EPHA6: variants seen among roughly 807,000 people sequenced by gnomAD.
The protein encoded by EPHA6 is ephrin type-A receptor 6.
EPHA6 carries 50 observed loss-of-function variants against 112.0 expected under a neutral mutation model. The ratio of observed to expected loss-of-function variants is 0.45; its 90% CI spans 0.36 to 0.56. The LOEUF is 0.56. Ranked by LOEUF, EPHA6 falls within the 20% of genes least tolerant of loss-of-function variation. The pLI is 0.00. For synonymous variants in EPHA6, 529 were observed against 490.7 expected, an observed-to-expected ratio of 1.08 and a Z score of -1.03; for missense variants, 1,280 against 1,417.4, an observed-to-expected ratio of 0.90 and a Z score of 1.56.
chr3:97,704,344 T>G (rs371739611), intron 14 of EPHA6, among the ~76,000 whole-genome samples: 1 of 152,190 alleles, frequency 6.6e-6, no homozygotes, highest in South Asian at 2.1e-4. Context: ...CATTGAGACC[T>G]TGGATAGAAC....
At chr3:97,109,623 C>T (rs1259048231) in intron 3 of EPHA6, among the ~76,000 whole-genome samples, 1 of 152,100 alleles carries the variant, frequency 6.6e-6, no homozygotes, top group South Asian at 2.1e-4. Context: ...GTGCTGGAAG[C>T]AGGAAGCTAG....
At chr3:97,261,071 G>A (rs1455186560) in intron 5 of EPHA6, among the ~76,000 whole-genome samples, 2 of 152,134 alleles carry the variant, frequency 1.3e-5, no homozygotes, top group Admixed American at 6.5e-5. Context: ...ATTGGGAAGG[G>A]CATCATAAAG....
At chr3:97,387,078 C>G (rs913627026) in intron 5 of EPHA6, among the ~76,000 whole-genome samples, 5 of 152,210 alleles carry the variant, frequency 3.3e-5, no homozygotes, top group Admixed American at 6.5e-5. Flanking sequence ...CAAAACCATT[C>G]TTCCCTCCTA....
Position 97,178,073 on chromosome 3 carries a change from T to C in EPHA6, c.1115-48191T>C, listed in dbSNP as rs527416555. On this transcript the variant is annotated intron_variant, in intron 3 of 17. Coordinates refer to ENST00000389672, the MANE Select transcript of EPHA6 (RefSeq NM_001080448.3). ...CTTCCACAAGTGAAGATGATTTTTCTGGTGATATGACTTAGTTTCCTGCTT... is the reference window on the plus strand; with the variant it reads ...CTTCCACAAGTGAAGATGATTTTTCCGGTGATATGACTTAGTTTCCTGCTT... 2.0e-5 allele frequency among the ~76,000 whole-genome samples: 3 copies of C among 152,184 alleles called. No individual in the cohort carries two copies. In the South Asian group the frequency reaches 6.2e-4, roughly 32 times the overall value.
At chr3:97,425,388 G>A (rs2089028663) in intron 6 of EPHA6, among the ~76,000 whole-genome samples, 1 of 152,196 alleles carries the variant, frequency 6.6e-6, no homozygotes, top group South Asian at 2.1e-4. Flanking sequence ...CTGTGCACCT[G>A]CAGGCTCAAC....
rs150570462 is a variant in EPHA6, at chr3:97,092,086, G to GT, written c.1114+104104dup. Among the ~76,000 whole-genome samples, 1,121 of 129,176 alleles carry GT rather than the reference G, an allele frequency of 8.7e-3. 6 individuals carry two copies. The highest frequency in any genetic ancestry group is 0.025 in the Admixed American group (323 of 12,746). 84.7% of individuals were successfully genotyped at this position (129,176 alleles called of 152,430 possible). On this transcript the variant is annotated intron_variant, in intron 3 of 17. Transcript: ENST00000389672. ...TAAATGCTATATTTTGGTTAACAAGGTTTTTTTTTTTAAAAAAAAAAAGCA... is the reference window on the plus strand; with the variant it reads ...TAAATGCTATATTTTGGTTAACAAGGTTTTTTTTTTTTAAAAAAAAAAAGCA...
At chr3:97,203,141 G>A (rs1164792269) in intron 3 of EPHA6, among the ~76,000 whole-genome samples, 4 of 152,100 alleles carry the variant, frequency 2.6e-5, no homozygotes, top group African/African-American at 7.2e-5. Context: ...GTAAGTAAAT[G>A]TAGACTCTAG....
intron 15 of EPHA6, among the ~76,000 whole-genome samples, chr3:97,729,567 C>A (rs972438489): frequency 4.6e-5 from 7 of 152,084 alleles, no homozygotes; most frequent in Admixed American, 3.9e-4. Context: ...CCACTGGGTT[C>A]CTCCCACGAC....
intron 2 of EPHA6, among the ~76,000 whole-genome samples, chr3:96,868,670 C>T (rs1227094633): frequency 6.6e-6 from 1 of 151,646 alleles, no homozygotes. Context: ...GTGGAAGAGA[C>T]ATGTAGACAA....
chr3:97,014,501 T>C (rs1389939935), intron 3 of EPHA6, among the ~76,000 whole-genome samples: 1 of 152,144 alleles, frequency 6.6e-6, no homozygotes. Flanking sequence ...CAAAACTTAT[T>C]TGGAGGAAAT....
intron 3 of EPHA6, among the ~76,000 whole-genome samples, chr3:97,011,710 G>C (rs1442699957): frequency 2.0e-5 from 3 of 152,076 alleles, no homozygotes; most frequent in Non-Finnish European, 4.4e-5. Flanking sequence ...GGTATATTGT[G>C]TGACACTAAG....
intron 3 of EPHA6, among the ~76,000 whole-genome samples, chr3:97,092,217 T>C (rs2108232828): frequency 6.6e-6 from 1 of 152,192 alleles, no homozygotes; most frequent in South Asian, 2.1e-4. Flanking sequence ...ATATTTACTC[T>C]TTCTTTTATT....
At chr3:97,195,280 G>A (rs1014973346) in intron 3 of EPHA6, among the ~76,000 whole-genome samples, 1 of 151,772 alleles carries the variant, frequency 6.6e-6, no homozygotes, top group African/African-American at 2.4e-5. Context: ...AGATAGCCAC[G>A]AGGCTTGCAA....
intron 5 of EPHA6, among the ~76,000 whole-genome samples, chr3:97,318,493 T>C (rs2081950321): frequency 6.6e-6 from 1 of 152,040 alleles, no homozygotes; most frequent in Non-Finnish European, 1.5e-5. Context: ...TTGAAGATAT[T>C]CTGGCTTCTC....
At chr3:97,174,960 A>G (rs991637358) in intron 3 of EPHA6, among the ~76,000 whole-genome samples, 4 of 151,862 alleles carry the variant, frequency 2.6e-5, no homozygotes, top group African/African-American at 9.7e-5. Context: ...ATTGCTCAAG[A>G]TATTTTTGCC....
chr3:97,585,841 GAT>G lies in EPHA6; in HGVS notation c.2387-6770_2387-6769del, dbSNP rs1339902699. Among the ~76,000 whole-genome samples, 460 of 151,998 alleles carry G rather than the reference GAT, an allele frequency of 3.0e-3. 4 individuals are homozygous for G. The highest frequency in any genetic ancestry group is 0.011 in the African/African-American group (443 of 41,328). On this transcript the variant is annotated intron_variant, in intron 11 of 17. Transcript: ENST00000389672. ...AATATTGTCATATCAAAAATTATTT[GAT>G]TTTCTATTTTTGTATTAAAAATGTA...
intron 3 of EPHA6, among the ~76,000 whole-genome samples, chr3:97,135,714 C>G (rs1235886201): frequency 1.4e-5 from 2 of 147,000 alleles, no homozygotes; most frequent in Admixed American, 1.4e-4. Context: ...ACTGCTGGTT[C>G]TTGCATCTTA....
chr3:97,564,930 A>G (rs1237803519), intron 11 of EPHA6, among the ~76,000 whole-genome samples: 1 of 152,174 alleles, frequency 6.6e-6, no homozygotes, highest in African/African-American at 2.4e-5. Flanking sequence ...AAACTTAAAA[A>G]TATACCATTC....
intron 3 of EPHA6, among the ~76,000 whole-genome samples, chr3:97,044,543 A>G (rs1381661106): frequency 6.6e-6 from 1 of 152,178 alleles, no homozygotes; most frequent in East Asian, 1.9e-4. Flanking sequence ...TTTACCAACC[A>G]TGTCCTTCTC....
Sources: allele counts gnomAD v4.1 joint callset (sites outside exome capture counted in the v4.1 genomes callset), GRCh38; gene constraint gnomAD v4.1.1; transcripts MANE v1.5; gene names NCBI Gene and HGNC (gene_info 2026-07-23, HGNC 2026-07-21).